The following CILP variants were observed in gnomAD, a reference collection of about 807,000 sequenced individuals.
CILP encodes the protein cartilage intermediate layer protein 1.
Under a neutral mutation model 82.5 loss-of-function variants are expected in CILP, and 75 were observed. That is an observed-to-expected ratio of 0.91 (90% CI 0.75 to 1.10). CILP has a LOEUF of 1.10. CILP is among the 50% of genes least tolerant of loss of function. The probability of loss-of-function intolerance (pLI) is 0.00; values close to 1 mark genes in which losing one functional copy is unlikely to be tolerated. For missense variants in CILP, 1,479 were observed against 1,530.8 expected, an observed-to-expected ratio of 0.97 and a Z score of 0.56; for synonymous variants, 530 against 580.3, an observed-to-expected ratio of 0.91 and a Z score of 1.25.
chr15:65,210,511 G>A (rs959746059), intron 1 of CILP, among the ~76,000 whole-genome samples: 5 of 152,234 alleles, frequency 3.3e-5, no homozygotes, highest in African/African-American at 4.8e-5. Flanking sequence ...ACTGCTGAGC[G>A]TGGGTGAGGA....
chr15:65,203,520 G>T (rs771231281), intron 6 of CILP, 50 bp from the exon 7 acceptor site: 3 of 1,359,858 alleles, frequency 2.2e-6, no homozygotes, highest in Non-Finnish European at 3.1e-6. Context: ...GTGTGTGTGT[G>T]ACAGGTTCTA....
chr15:65,196,578 A>C lies in CILP; in HGVS notation c.*153T>G. The C allele has an allele frequency of 4.8e-6, 3 of 628,344 alleles. No homozygotes were observed. Among genetic ancestry groups the C allele is most frequent in the Non-Finnish European group, 7.7e-6 (3 of 389,106 alleles). The allele number at this position is 628,344 out of a possible 1,614,324, so 38.9% of individuals were successfully genotyped here. On this transcript the variant is annotated 3_prime_UTR_variant, in exon 9 of 9. Coordinates refer to ENST00000261883, the MANE Select transcript of CILP (RefSeq NM_003613.4). Reference sequence around the variant, plus strand: ...TTGTGGGGGCCACGTGCCAATCAGTAGCATGGGACAAAGTAAGTAAAGGCA... The same window carrying C: ...TTGTGGGGGCCACGTGCCAATCAGTCGCATGGGACAAAGTAAGTAAAGGCA...
At chr15:65,205,697 G>T (rs1454310943) in intron 4 of CILP, among the ~76,000 whole-genome samples, 1 of 152,204 alleles carries the variant, frequency 6.6e-6, no homozygotes, top group Non-Finnish European at 1.5e-5. Flanking sequence ...GGCCCTGAGC[G>T]GTGCTTGTTG....
intron 5 of CILP, 128 bp downstream of exon 5, chr15:65,205,159 G>C: frequency 1.2e-6 from 1 of 847,034 alleles, no homozygotes. Flanking sequence ...CATAGTAGAT[G>C]CTCAGTTAAT....
chr15:65,199,088 T>C lies in CILP; in HGVS notation c.1198A>G (p.Thr400Ala). The change falls in exon 9 of 9, where the codon ACT (threonine) becomes GCT (alanine). Residue 400 changes from threonine to alanine, a missense_variant. Physicochemically the swap from Thr to Ala is moderately conservative, Grantham distance 58. Transcript: ENST00000261883. The part of the protein sequence containing the change: ...AQLIVIASDE[T>A]PCNPVPESYL... ...CTCTCAGGAACTGGGTTGCAAGGAG[T>C]CTCATCAGATGCTGTGTAGGGAAAT... The C allele has an allele frequency of 2.5e-6, 4 of 1,590,188 alleles. No homozygotes were observed. Among genetic ancestry groups the C allele is most frequent in the Non-Finnish European group, 3.4e-6 (4 of 1,175,290 alleles).
rs753938877 is a variant in CILP, at chr15:65,196,703, G to A, written c.*28C>T. 1.3e-6 allele frequency: 2 copies of A among 1,499,582 alleles called. No homozygotes were observed. Among genetic ancestry groups the A allele is most frequent in the Non-Finnish European group, 1.8e-6 (2 of 1,117,034 alleles). The allele number at this position is 1,499,582 out of a possible 1,614,324, so 92.9% of individuals were successfully genotyped here. A position where few individuals can be genotyped will look rare whatever the true frequency, so the allele number is the denominator to read the frequency against. ...CACAATGGCTGTCACATGAAATGAGGGCAGAAGAGGGTGAAGTACCACAAA... is the reference window on the plus strand; with the variant it reads ...CACAATGGCTGTCACATGAAATGAGAGCAGAAGAGGGTGAAGTACCACAAA... On this transcript the variant is annotated 3_prime_UTR_variant, in exon 9 of 9. Coordinates refer to ENST00000261883, the MANE Select transcript of CILP (RefSeq NM_003613.4).
At chr15:65,199,396 A>G (rs761486076) in intron 8 of CILP, among the ~76,000 whole-genome samples, 1 of 152,184 alleles carries the variant, frequency 6.6e-6, no homozygotes, top group African/African-American at 2.4e-5. Flanking sequence ...CTACTGGCAT[A>G]TTGTGGGTAG....
chr15:65,199,969 G>A (rs968141732), intron 8 of CILP, among the ~76,000 whole-genome samples: 1 of 152,130 alleles, frequency 6.6e-6, no homozygotes, highest in Non-Finnish European at 1.5e-5. Flanking sequence ...CCTCGTCTCA[G>A]GAAAATCACG....
chr15:65,207,575 A>G (rs1889063589), intron 3 of CILP, 97 bp downstream of exon 3: 2 of 1,101,740 alleles, frequency 1.8e-6, no homozygotes, highest in South Asian at 2.7e-5. Context: ...GTGGGTTTCC[A>G]TGGGACCCTG....
At chr15:65,203,295 A>G (rs2088480549) in intron 7 of CILP, 67 bp downstream of exon 7, 2 of 1,047,902 alleles carry the variant, frequency 1.9e-6, no homozygotes, top group African/African-American at 1.6e-5. Context: ...TAATAAGTCC[A>G]GACCCAATGC....
chr15:65,197,112 G>C lies in CILP; in HGVS notation c.3174C>G (p.Thr1058=). The change falls in exon 9 of 9, where the codon ACC becomes ACG. Residue 1058 remains threonine (T), a synonymous_variant. Transcript: ENST00000261883. ...NHLPLAVNND[T]SEYTMLAPLD... ...AGGGTGCCAGCATGGTGTACTCACT[G>C]GTGTCGTTGTTGACTGCAAGTGGCA... 6.2e-7 allele frequency: 1 copy of C among 1,613,980 alleles called. No homozygotes were observed. The highest frequency in any genetic ancestry group is 8.5e-7 in the Non-Finnish European group (1 of 1,179,942).
Position 65,207,071 on chromosome 15 carries a change from T to G in CILP, c.155-20A>C, listed in dbSNP as rs768069680. 3.0e-5 allele frequency: 48 copies of G among 1,601,820 alleles called. No individual in the cohort carries two copies. The highest frequency in any genetic ancestry group is 3.3e-4 in the Middle Eastern group (2 of 6,014). ...CAGGGCCTGAGAGACATAGCCAAAT[T>G]GCGGAGGAGCCGTGATCCTGGTGCG... On this transcript the variant is annotated intron_variant, in intron 3 of 8. Transcript: ENST00000261883.
At position 65,197,550 on chromosome 15, in the gene CILP, GA is replaced by G; in HGVS notation, c.2735del (p.Phe912SerfsTer24). On this transcript the variant is annotated frameshift_variant, in exon 9 of 9. Coordinates refer to ENST00000261883, the MANE Select transcript of CILP (RefSeq NM_003613.4). LOFTEE classifies it high-confidence loss of function. ...CEEAPPSAAH[F>X]RFYQIEGDRY... ...GATCCCCCTCAATCTGGTAGAACCG[GA>G]AGTGGGCTGCACTGGGTGGTGCCTC... 6.2e-7 allele frequency: 1 copy of G among 1,614,246 alleles called. No homozygotes were observed.
At chr15:65,210,428 G>A (rs779554611) in intron 1 of CILP, among the ~76,000 whole-genome samples, 5 of 152,084 alleles carry the variant, frequency 3.3e-5, no homozygotes, top group Non-Finnish European at 1.5e-5. Context: ...GGCCTGACTG[G>A]GAGTTACACA....
In CILP at chr15:65,198,865, G is replaced by C; in HGVS notation, c.1421C>G (p.Thr474Ser). ...GCAGCTGCACTCCTTGGCCACCTTG[G>C]TGGGTAGCGTGTAGCCACTGCACTG... is the stretch of plus-strand genomic sequence containing the variant. ...EIQCSGYTLP[T>S]KVAKECSCQR... The change falls in exon 9 of 9, where the codon ACC (threonine) becomes AGC (serine). Residue 474 changes from threonine (T) to serine (S), a missense_variant. Coordinates refer to ENST00000261883, the MANE Select transcript of CILP (RefSeq NM_003613.4). 1.2e-6 allele frequency: 2 copies of C among 1,614,082 alleles called. No homozygotes were observed. Among genetic ancestry groups the C allele is most frequent in the Non-Finnish European group, 1.7e-6 (2 of 1,180,038 alleles).
At chr15:65,203,540 G>T in intron 6 of CILP, 70 bp from the exon 7 acceptor site, 1 of 1,080,362 alleles carries the variant, frequency 9.3e-7, no homozygotes, top group Non-Finnish European at 1.4e-6. Flanking sequence ...ACAGAGCCTA[G>T]CTCCCTCAGG....
chr15:65,209,846 T>C lies in CILP; in HGVS notation c.-91A>G. The C allele has an allele frequency of 9.0e-7, 1 of 1,106,594 alleles. No individual in the cohort carries two copies. The highest frequency in any genetic ancestry group is 1.4e-6 in the Non-Finnish European group (1 of 730,568). 68.5% of individuals were successfully genotyped at this position (1,106,594 alleles called of 1,614,324 possible). A position where few individuals can be genotyped will look rare whatever the true frequency, so the allele number is the denominator to read the frequency against. On this transcript the variant is annotated 5_prime_UTR_variant, in exon 2 of 9. Coordinates refer to ENST00000261883, the MANE Select transcript of CILP (RefSeq NM_003613.4). ...CTGGAATGCGGTCCCCTGGGAAGTT[T>C]CTCAGATCCAGTGACCTGTAAAGAA...
rs1428132940 is a variant in CILP at position 65,196,939 on chromosome 15, G to A, written c.3347C>T (p.Thr1116Ile). The A allele has an allele frequency of 3.7e-6, 6 of 1,613,782 alleles. No homozygotes were observed. Among genetic ancestry groups the A allele is most frequent in the Non-Finnish European group, 5.1e-6 (6 of 1,179,858 alleles). The stretch of plus-strand genomic sequence containing the variant: ...TACTTGCCTCTCTACACAGTTGAAG[G>A]TGAGGGCTACTCCCACATTGCTCTT... ...IMKSNVGVAL[T>I]FNCVERQVGR... is the part of the protein sequence containing the mutation. Residue 1116 changes from threonine to isoleucine, a missense_variant, in exon 9 of 9, where the codon ACC (threonine) becomes ATC (isoleucine). Coordinates refer to ENST00000261883, the MANE Select transcript of CILP (RefSeq NM_003613.4).
chr15:65,203,288 T>C, intron 7 of CILP, 74 bp downstream of exon 7: 3 of 934,964 alleles, frequency 3.2e-6, no homozygotes, highest in Non-Finnish European at 3.4e-6. Context: ...TTCTTATTAA[T>C]AAGTCCAGAC....
Sources: gnomAD v4.1 joint callset for allele counts (sites outside exome capture counted in the v4.1 genomes callset) on GRCh38, gnomAD v4.1.1 for gene constraint, MANE v1.5 for transcripts, NCBI Gene and HGNC (gene_info 2026-07-23, HGNC 2026-07-21) for gene names.